FOCAD: variants seen among roughly 807,000 people sequenced by gnomAD.
FOCAD encodes the protein KIAA1797.
FOCAD carries 198 observed loss-of-function variants against 225.6 expected under a neutral mutation model. The observed-to-expected ratio is 0.88, with a 90% CI of 0.78 to 0.99. FOCAD has a LOEUF of 0.99. Among genes scored for constraint, FOCAD ranks in the 50% least tolerant of loss-of-function variants. The pLI, the probability that FOCAD is intolerant of heterozygous loss-of-function variation, is 0.00. For missense variants in FOCAD, 2,713 were observed against 2,123.6 expected (o/e 1.28, Z -5.46); for synonymous variants, 897 against 755.0 (o/e 1.19, Z -3.08).
intron 39 of FOCAD, 22 bp from the exon 40 acceptor site, chr9:20,986,266 A>ATT (rs545976303): frequency 0.012 from 8,129 of 705,392 alleles, 44 homozygotes; most frequent in Non-Finnish European, 0.013. Flanking sequence ...TAACTAAACA[A>ATT]TTTTTTTTTT....
chr9:20,945,799 C>A (rs936285013), intron 29 of FOCAD, among the ~76,000 whole-genome samples: 2 of 151,796 alleles, frequency 1.3e-5, no homozygotes, highest in Non-Finnish European at 2.9e-5. Context: ...TTTTATTATT[C>A]AACTTCTGCC....
chr9:20,752,413 G>A (rs1828643902), intron 5 of FOCAD, among the ~76,000 whole-genome samples: 1 of 152,052 alleles, frequency 6.6e-6, no homozygotes, highest in South Asian at 2.1e-4. Context: ...TATTAAATAG[G>A]GAATCCTTTC....
chr9:20,862,769 T>C (rs778965216), intron 16 of FOCAD, 57 bp downstream of exon 16: 3 of 1,556,542 alleles, frequency 1.9e-6, no homozygotes, highest in East Asian at 2.3e-5. Flanking sequence ...ATGTGTGTTA[T>C]AATAACTTTT....
intron 11 of FOCAD, among the ~76,000 whole-genome samples, chr9:20,805,823 A>G (rs1454992020): frequency 6.6e-6 from 1 of 152,172 alleles, no homozygotes; most frequent in Non-Finnish European, 1.5e-5. Flanking sequence ...TTTGAGCTTC[A>G]CCTGGAAATA....
At chr9:20,907,389 G>C in intron 22 of FOCAD, 147 bp downstream of exon 22, 1 of 707,754 alleles carries the variant, frequency 1.4e-6, no homozygotes, top group Non-Finnish European at 2.5e-6. Flanking sequence ...AGAATGTGAG[G>C]CATATATATA....
chr9:20,711,316 C>T (rs1824828323), intron 1 of FOCAD, among the ~76,000 whole-genome samples: 1 of 152,160 alleles, frequency 6.6e-6, no homozygotes, highest in Non-Finnish European at 1.5e-5. Flanking sequence ...ATTAGAATTA[C>T]AGCAGTGAAA....
At chr9:20,994,758 T>C (rs117656089) in intron 43 of FOCAD, among the ~76,000 whole-genome samples, 1,712 of 152,288 alleles carry the variant, frequency 0.011, 16 homozygotes, top group Middle Eastern at 0.034. Context: ...ATAATAACGT[T>C]GGTTGCTCCA....
intron 21 of FOCAD, among the ~76,000 whole-genome samples, chr9:20,894,988 G>A (rs1831954307): frequency 6.6e-6 from 1 of 151,978 alleles, no homozygotes; most frequent in Non-Finnish European, 1.5e-5. Context: ...TCTATTTTGA[G>A]TTAATTTTTA....
At chr9:20,721,388 A>C (rs1463409513) in intron 4 of FOCAD, among the ~76,000 whole-genome samples, 2 of 151,882 alleles carry the variant, frequency 1.3e-5, no homozygotes, top group Admixed American at 6.6e-5. Flanking sequence ...GTGGAGATGG[A>C]GTACAGCTGT....
chr9:20,986,381 G>A lies in FOCAD; in HGVS notation c.4822G>A (p.Val1608Met). The change falls in exon 40 of 44, where the codon GTG becomes ATG. Residue 1608 changes from valine (V) to methionine (M), a missense_variant. Physicochemically the swap from Val to Met is conservative, Grantham distance 21. Transcript: ENST00000338382. ...CCTGACCGATATGCTGAGCGTTGCTGTGCAGCACCGTGAGAAAGAGGTGTT... is the reference window on the plus strand; with the variant it reads ...CCTGACCGATATGCTGAGCGTTGCTATGCAGCACCGTGAGAAAGAGGTGTT... ...VNLTDMLSVA[V>M]QHREKEVLAW... 1 of 1,609,948 alleles carries A rather than the reference G, an allele frequency of 6.2e-7. No individual in the cohort carries two copies. Among genetic ancestry groups the A allele is most frequent in the East Asian group, 2.2e-5 (1 of 44,610 alleles).
intron 23 of FOCAD, 54 bp downstream of exon 23, chr9:20,913,008 G>A (rs1326388087): frequency 6.9e-7 from 1 of 1,442,936 alleles, no homozygotes; most frequent in Non-Finnish European, 9.7e-7. Flanking sequence ...GAGCTATGAG[G>A]GGAAAGGTAA....
At chr9:20,843,002 C>T (rs980960661) in intron 15 of FOCAD, among the ~76,000 whole-genome samples, 1 of 151,932 alleles carries the variant, frequency 6.6e-6, no homozygotes, top group Non-Finnish European at 1.5e-5. Flanking sequence ...AAACTCTACA[C>T]TTTAACTTCA....
intron 15 of FOCAD, among the ~76,000 whole-genome samples, chr9:20,849,846 A>T (rs1003958167): frequency 6.6e-6 from 1 of 151,868 alleles, no homozygotes; most frequent in Admixed American, 6.6e-5. Flanking sequence ...CTCTGCAAAA[A>T]GAAGGCCTAT....
At chr9:20,661,012 G>A (rs1202392226) in intron 2 of FOCAD, among the ~76,000 whole-genome samples, 1 of 152,104 alleles carries the variant, frequency 6.6e-6, no homozygotes, top group East Asian at 1.9e-4. Flanking sequence ...AAGAGGGGAG[G>A]TTTAAGACAG....
At chr9:20,862,505 T>A in intron 15 of FOCAD, 73 bp from the exon 16 acceptor site, 2 of 1,502,062 alleles carry the variant, frequency 1.3e-6, no homozygotes, top group Non-Finnish European at 1.8e-6. Flanking sequence ...TAATAAAATA[T>A]AGTACTCTTA....
chr9:20,852,565 C>A (rs1827773653), intron 15 of FOCAD, among the ~76,000 whole-genome samples: 1 of 151,692 alleles, frequency 6.6e-6, no homozygotes, highest in African/African-American at 2.4e-5. Flanking sequence ...GAAATGCATT[C>A]GTGGAATTCT....
Position 20,814,969 on chromosome 9 carries a change from A to T in FOCAD, c.1456-4827A>T, listed in dbSNP as rs1049086674. On this transcript the variant is annotated intron_variant, in intron 11 of 43. Transcript: ENST00000338382. The stretch of plus-strand genomic sequence containing the variant: ...TAGGATTCTTTGTTTAGGTATTACC[A>T]GTAAACTTTATATTTCCATATGCTC... 4.6e-5 allele frequency among the ~76,000 whole-genome samples: 7 copies of T among 152,126 alleles called. 2 individuals carry two copies. Among genetic ancestry groups the T allele is most frequent in the Admixed American group, 4.6e-4 (7 of 15,246 alleles).
At chr9:20,668,918 T>C (rs906556702) in intron 2 of FOCAD, among the ~76,000 whole-genome samples, 1 of 152,200 alleles carries the variant, frequency 6.6e-6, no homozygotes, top group Non-Finnish European at 1.5e-5. Context: ...GCTCCCCGTT[T>C]TCTCCTCTAG....
intron 2 of FOCAD, among the ~76,000 whole-genome samples, chr9:20,717,282 C>T (rs1563909096): frequency 6.6e-6 from 1 of 152,144 alleles, no homozygotes; most frequent in Non-Finnish European, 1.5e-5. Flanking sequence ...GTAATTTGGT[C>T]CCAAGTGCAG....
Sources: allele counts gnomAD v4.1 joint callset (sites outside exome capture counted in the v4.1 genomes callset), GRCh38; gene constraint gnomAD v4.1.1; transcripts MANE v1.5; gene names NCBI Gene and HGNC (gene_info 2026-07-23, HGNC 2026-07-21).